The following ARHGAP22 variants were observed in gnomAD, a reference collection of about 807,000 sequenced individuals.
ARHGAP22 encodes the protein rho GTPase-activating protein 22.
In ARHGAP22, 48 loss-of-function variants were observed where a neutral mutation model predicts 59.1. The ratio of observed to expected loss-of-function variants is 0.81; its 90% CI spans 0.64 to 1.03. The LOEUF is 1.03. Among genes scored for constraint, ARHGAP22 ranks in the 50% least tolerant of loss-of-function variants. ARHGAP22 has a pLI of 0.00. For synonymous variants in ARHGAP22, 445 were observed against 416.4 expected (o/e 1.07, Z -0.84); for missense variants, 1,015 against 958.7 (o/e 1.06, Z -0.78).
chr10:48,438,163 G>GTA, the ARHGAP22 span: 1 of 152,228 alleles, frequency 6.6e-6, no homozygotes, highest in African/African-American at 2.4e-5. Context: ...TAGCTATAGA[G>GTA]TGGATGCATG....
intron 1 of ARHGAP22, among the ~76,000 whole-genome samples, chr10:48,597,860 G>C (rs752512573): frequency 2.6e-5 from 4 of 152,212 alleles, no homozygotes; most frequent in Non-Finnish European, 5.9e-5. Flanking sequence ...CTCTACCCTT[G>C]GTTAAGTAAT....
chr10:48,450,497 G>T lies in ARHGAP22; in HGVS notation c.1632C>A (p.His544Gln). 1.3e-6 allele frequency: 2 copies of T among 1,532,856 alleles called. No individual in the cohort carries two copies. Among genetic ancestry groups the T allele is most frequent in the Non-Finnish European group, 1.8e-6 (2 of 1,139,084 alleles). The allele number at this position is 1,532,856 out of a possible 1,614,324, so 95.0% of individuals were successfully genotyped here. Residue 544 changes from histidine (H) to glutamine (Q), a missense_variant, in exon 9 of 10, where the codon CAC becomes CAA. Physicochemically the swap from His to Gln is conservative, Grantham distance 24. Coordinates refer to ENST00000249601, the MANE Select transcript of ARHGAP22 (RefSeq NM_021226.4). ...GGGAGGGCTCCAGGGCCCAGTCGGTGTGCAGGGAACTGCGGGCAGACGAGT... is the reference window on the plus strand; with the variant it reads ...GGGAGGGCTCCAGGGCCCAGTCGGTTTGCAGGGAACTGCGGGCAGACGAGT... ...ASDSSARSSLHTDWALEPSPL... is the reference protein window; with the variant it reads ...ASDSSARSSLQTDWALEPSPL...
In ARHGAP22 at chr10:48,624,802, C is replaced by T. The variant is rs1423853460; in HGVS notation, c.52+27432G>A. ...GCTCAGTAAGAGTGAAGTGATTCCA[C>T]CACATTCCAACCCTAAGGGCAAGTT... On this transcript the variant is annotated intron_variant, in intron 1 of 9. Coordinates refer to the ARHGAP22 transcript ENST00000435790. 2 of 152,222 alleles carry T rather than the reference C, an allele frequency of 1.3e-5. 1 individual carries two copies. The highest frequency in any genetic ancestry group is 4.1e-4 in the South Asian group (2 of 4,830). 9.4% of individuals were successfully genotyped at this position (152,222 alleles called of 1,614,324 possible).
chr10:48,636,522 G>A (rs2061824469), intron 1 of ARHGAP22, among the ~76,000 whole-genome samples: 1 of 152,174 alleles, frequency 6.6e-6, no homozygotes. Flanking sequence ...GAATCCATGG[G>A]TTGCATCGGG....
In ARHGAP22 at chr10:48,586,341, C is replaced by T. The variant is rs573930591; in HGVS notation, c.35-3189G>A. On this transcript the variant is annotated intron_variant, in intron 1 of 9. Transcript: ENST00000249601. ...AAACTGGGCCCATATGAGATAACAA[C>T]ACCTCACCCAGCAGGGCAAGCTGGC... 4.6e-5 allele frequency among the ~76,000 whole-genome samples: 7 copies of T among 152,322 alleles called. No individual in the cohort carries two copies. The East Asian group carries it at 1.4e-3, about 29-fold the overall frequency.
chr10:48,655,026 CTTT>C (rs2062734326), upstream of ARHGAP22, among the ~76,000 whole-genome samples: 1 of 58,852 alleles, frequency 1.7e-5, no homozygotes, highest in African/African-American at 6.6e-5. Context: ...TTCTTTCTTT[CTTT>C]CATTCTTTCT....
At chr10:48,623,669 A>T (rs1271763291) in intron 1 of ARHGAP22, among the ~76,000 whole-genome samples, 1 of 152,176 alleles carries the variant, frequency 6.6e-6, no homozygotes, top group Non-Finnish European at 1.5e-5. Flanking sequence ...GGTGACCTGG[A>T]TGCTAAAGAA....
In ARHGAP22 at chr10:48,479,635, C is replaced by A. The variant is rs1043431295; in HGVS notation, c.451+1G>T. ...GTGGGCATGCGATCTACGGGCAGTA[C>A]CTCCGCCCAGCGGGGCCCAGATGAC... On this transcript the variant is annotated splice_donor_variant, in intron 4 of 9. Coordinates refer to ENST00000249601, the MANE Select transcript of ARHGAP22 (RefSeq NM_021226.4). LOFTEE classifies it high-confidence loss of function. 1.2e-6 allele frequency: 2 copies of A among 1,613,884 alleles called. No individual in the cohort carries two copies. Among genetic ancestry groups the A allele is most frequent in the Admixed American group, 3.3e-5 (2 of 59,996 alleles).
At chr10:48,499,516 C>A (rs1355447777) in intron 3 of ARHGAP22, among the ~76,000 whole-genome samples, 1 of 152,242 alleles carries the variant, frequency 6.6e-6, no homozygotes, top group Non-Finnish European at 1.5e-5. Flanking sequence ...AGTGGAGAGA[C>A]AATGGCACCA....
chr10:48,532,016 C>T (rs1004025910), intron 3 of ARHGAP22, among the ~76,000 whole-genome samples: 3 of 152,120 alleles, frequency 2.0e-5, no homozygotes, highest in Admixed American at 6.5e-5. Context: ...TGAAGAAGGG[C>T]GTGATGTAGA....
intron 1 of ARHGAP22, among the ~76,000 whole-genome samples, chr10:48,612,989 C>T (rs2060951324): frequency 6.6e-6 from 1 of 152,222 alleles, no homozygotes; most frequent in South Asian, 2.1e-4. Context: ...GTAATCTCAG[C>T]TCACCAGAAG....
intron 3 of ARHGAP22, among the ~76,000 whole-genome samples, chr10:48,500,337 T>TCAAAA (rs57914169): frequency 4.7e-5 from 7 of 149,034 alleles, no homozygotes; most frequent in South Asian, 2.1e-4. Flanking sequence ...AGACTCTATC[T>TCAAAA]CAAAACAAAA....
chr10:48,578,756 G>A (rs1277152972), intron 2 of ARHGAP22, among the ~76,000 whole-genome samples: 3 of 151,954 alleles, frequency 2.0e-5, no homozygotes, highest in Admixed American at 6.6e-5. Flanking sequence ...GGCATTAGGA[G>A]CATAAAAGTT....
intron 1 of ARHGAP22, among the ~76,000 whole-genome samples, chr10:48,629,664 T>C (rs960386668): frequency 5.3e-5 from 8 of 152,270 alleles, no homozygotes; most frequent in Non-Finnish European, 8.8e-5. Flanking sequence ...CCTTCATTTC[T>C]GTGTTGGTTA....
rs1589416204 is a variant in ARHGAP22, at chr10:48,450,997, C to T, written c.1132G>A (p.Asp378Asn). 2 of 1,559,064 alleles carry T rather than the reference C, an allele frequency of 1.3e-6. No homozygotes were observed. The highest frequency in any genetic ancestry group is 1.7e-6 in the Non-Finnish European group (2 of 1,151,996). ...VGWGSEEVTR[D>N]SQGEPGGPGL... is the part of the protein sequence containing the mutation. ...GGGCCGCCGGGCTCTCCTTGGCTGT[C>T]CCTGGTGACCTCCTCGGAGCCCCAC... The change falls in exon 9 of 10, where the codon GAC becomes AAC. Residue 378 changes from aspartate (D) to asparagine (N), a missense_variant. Coordinates refer to ENST00000249601, the MANE Select transcript of ARHGAP22 (RefSeq NM_021226.4).
At chr10:48,435,062 G>A in the ARHGAP22 span, 3 of 1,442,414 alleles carry the variant, frequency 2.1e-6, no homozygotes, top group South Asian at 1.4e-5. Flanking sequence ...GGAGGGATGG[G>A]GAGTCGGTTA....
At chr10:48,476,074 A>G (rs1418795818) in intron 4 of ARHGAP22, among the ~76,000 whole-genome samples, 1 of 151,824 alleles carries the variant, frequency 6.6e-6, no homozygotes, top group Admixed American at 6.6e-5. Context: ...CCACCATCTA[A>G]CCTGCCATGT....
Position 48,450,363 on chromosome 10 carries a change from G to C in ARHGAP22, c.1766C>G (p.Thr589Ser). 6.3e-7 allele frequency: 1 copy of C among 1,587,422 alleles called. No individual in the cohort carries two copies. Among genetic ancestry groups the C allele is most frequent in the Non-Finnish European group, 8.6e-7 (1 of 1,167,502 alleles). The stretch of plus-strand genomic sequence containing the variant: ...CTCGGAGCGGCGCGCGTGTTCCCGG[G>C]TGGGGCTGTCCGGCTCGCTGGGCTC... ...NSEPSEPDSP[T>S]REHARRSEAL... Residue 589 changes from threonine (T) to serine (S), a missense_variant, in exon 9 of 10, where the codon ACC (threonine) becomes AGC (serine). Transcript: ENST00000249601.
intron 2 of ARHGAP22, among the ~76,000 whole-genome samples, chr10:48,579,786 G>A (rs1310142931): frequency 1.3e-5 from 2 of 151,484 alleles, no homozygotes; most frequent in Non-Finnish European, 2.9e-5. Flanking sequence ...GACCGCCTGG[G>A]CCCCCTGTCA....
Sources: gnomAD v4.1 joint callset for allele counts (sites outside exome capture counted in the v4.1 genomes callset) on GRCh38, gnomAD v4.1.1 for gene constraint, MANE v1.5 for transcripts, NCBI Gene and HGNC (gene_info 2026-07-23, HGNC 2026-07-21) for gene names.